CTNND2: variants seen among roughly 807,000 people sequenced by gnomAD.
The protein encoded by CTNND2 is catenin delta-2.
CTNND2 carries 22 observed loss-of-function variants against 144.4 expected under a neutral mutation model. That is an observed-to-expected ratio of 0.15 (90% confidence interval 0.11 to 0.22). The LOEUF (loss-of-function observed/expected upper bound fraction) is 0.22. Among genes scored for constraint, CTNND2 ranks in the 10% least tolerant of loss-of-function variants. The probability of loss-of-function intolerance (pLI) is 1.00; values close to 1 mark genes in which losing one functional copy is unlikely to be tolerated. For missense variants in CTNND2, 1,353 were observed against 1,618.8 expected, an observed-to-expected ratio of 0.84 and a Z score of 2.82; for synonymous variants, 751 against 695.6, an observed-to-expected ratio of 1.08 and a Z score of -1.25.
chr5:11,110,272 A>G (rs1023819787), intron 14 of CTNND2, among the ~76,000 whole-genome samples: 4 of 152,148 alleles, frequency 2.6e-5, no homozygotes, highest in Non-Finnish European at 4.4e-5. Context: ...TGTTCTCAAG[A>G]GGCCTCCAGC....
In CTNND2 at chr5:11,111,233, C is replaced by T. The variant is rs1752934946; in HGVS notation, c.2278-190G>A. ...GAGAAACTTAGAAAGGTCTTAGGAC[C>T]TTTTATCCCCCACAAATAAATGACT... On this transcript the variant is annotated intron_variant, in intron 13 of 21. Coordinates refer to ENST00000304623, the MANE Select transcript of CTNND2 (RefSeq NM_001332.4). Among the ~76,000 whole-genome samples, 6 of 152,302 alleles carry T rather than the reference C, an allele frequency of 3.9e-5. No homozygotes were observed. The South Asian group carries it at 1.2e-3, about 32-fold the overall frequency.
At chr5:11,381,977 AAAAAC>A (rs70949320) in intron 7 of CTNND2, among the ~76,000 whole-genome samples, 32,702 of 150,906 alleles carry the variant, frequency 0.22, 3,677 homozygotes, top group South Asian at 0.3. Context: ...AAAAAAACAA[AAAAAC>A]AAAACAAAAC....
chr5:11,235,356 T>C (rs1321700160), intron 10 of CTNND2, among the ~76,000 whole-genome samples: 2 of 152,214 alleles, frequency 1.3e-5, no homozygotes, highest in Non-Finnish European at 2.9e-5. Flanking sequence ...TTATTTTGCA[T>C]GGCCATTGTT....
At chr5:11,209,817 G>A (rs1283371149) in intron 10 of CTNND2, among the ~76,000 whole-genome samples, 1 of 152,142 alleles carries the variant, frequency 6.6e-6, no homozygotes, top group African/African-American at 2.4e-5. Flanking sequence ...AGCTACTTGG[G>A]AGGCTGAGGC....
chr5:11,732,224 C>G lies in CTNND2; in HGVS notation c.86G>C (p.Ser29Thr). ...GGTGTTTAAGCCGGGGCTCAGGGAA[C>G]TCGTCTTCTCTGAGGCTGATGAAGG... ...DQPSSASEKT[S>T]SLSPGLNTSN... Residue 29 changes from serine (S) to threonine (T), a missense_variant, in exon 2 of 22, where the codon AGT (serine) becomes ACT (threonine). Around this residue, in one of 4 missense-constraint regions of CTNND2, gnomAD observed 708 missense variants for 706.4 expected, o/e 1.00. Transcript: ENST00000304623. 1.9e-6 allele frequency: 3 copies of G among 1,613,940 alleles called. No individual in the cohort carries two copies. In the East Asian group the frequency reaches 6.7e-5, roughly 36 times the overall value.
intron 2 of CTNND2, among the ~76,000 whole-genome samples, chr5:11,727,578 A>T (rs1787094456): frequency 6.6e-6 from 1 of 152,156 alleles, no homozygotes; most frequent in Admixed American, 6.6e-5. Context: ...TTCAGCAATC[A>T]CGTAATTCTC....
intron 2 of CTNND2, among the ~76,000 whole-genome samples, chr5:11,662,774 G>A (rs1783344345): frequency 6.6e-6 from 1 of 152,098 alleles, no homozygotes. Context: ...AGATGGGACA[G>A]TTTGGGCAGT....
At chr5:11,309,616 A>G (rs921944165) in intron 9 of CTNND2, among the ~76,000 whole-genome samples, 1 of 152,140 alleles carries the variant, frequency 6.6e-6, no homozygotes, top group Non-Finnish European at 1.5e-5. Context: ...GAGACTCTGG[A>G]CTGAGGACTT....
At position 11,236,721 on chromosome 5, in the gene CTNND2, G is replaced by C. The variant is rs1457145235; in HGVS notation, c.1731C>G (p.Leu577=). The part of the protein sequence containing the change: ...QSNAAAYLQH[L]CFGDNKIKAE... ...CTTTAATTTTGTTGTCTCCAAAACA[G>C]AGGTGTTGCAAGTAGGCTGCCGCGT... is the stretch of plus-strand genomic sequence containing the variant. The change falls in exon 10 of 22, where the codon CTC becomes CTG. Residue 577 remains leucine, a synonymous_variant. Coordinates refer to ENST00000304623, the MANE Select transcript of CTNND2 (RefSeq NM_001332.4). 6.2e-7 allele frequency: 1 copy of C among 1,614,024 alleles called. No individual in the cohort carries two copies. The highest frequency in any genetic ancestry group is 1.3e-5 in the African/African-American group (1 of 74,914).
intron 14 of CTNND2, among the ~76,000 whole-genome samples, chr5:11,102,044 T>G (rs532065367): frequency 2.0e-5 from 3 of 152,122 alleles, no homozygotes; most frequent in African/African-American, 7.2e-5. Context: ...GGGTTTCATC[T>G]TGTTCCAGCT....
intron 2 of CTNND2, among the ~76,000 whole-genome samples, chr5:11,698,292 T>A (rs71582435): frequency 0.096 from 14,405 of 150,294 alleles, 755 homozygotes; most frequent in African/African-American, 0.14. Flanking sequence ...ATTATTATTT[T>A]TTTTTTTTTT....
intron 3 of CTNND2, among the ~76,000 whole-genome samples, chr5:11,499,855 A>C (rs1770369708): frequency 1.3e-5 from 2 of 152,144 alleles, no homozygotes; most frequent in Admixed American, 1.3e-4. Flanking sequence ...TTGTGATAAA[A>C]AGAAGTATTT....
intron 2 of CTNND2, among the ~76,000 whole-genome samples, chr5:11,696,808 T>C (rs1466420815): frequency 6.6e-6 from 1 of 152,208 alleles, no homozygotes; most frequent in Admixed American, 6.5e-5. Context: ...ACTGACATGC[T>C]GCATAATAGC....
chr5:11,165,484 T>A (rs1759223573), intron 11 of CTNND2, among the ~76,000 whole-genome samples: 1 of 152,232 alleles, frequency 6.6e-6, no homozygotes, highest in Admixed American at 6.5e-5. Context: ...TGGTTGATGG[T>A]CACTAGAAAA....
intron 2 of CTNND2, among the ~76,000 whole-genome samples, chr5:11,565,643 A>T (rs1458496122): frequency 6.6e-6 from 1 of 152,228 alleles, no homozygotes; most frequent in East Asian, 1.9e-4. Flanking sequence ...TAAGTACATA[A>T]CCTTTGAGAT....
chr5:11,142,619 T>G (rs1341966503), intron 12 of CTNND2, among the ~76,000 whole-genome samples: 1 of 150,756 alleles, frequency 6.6e-6, no homozygotes, highest in East Asian at 1.9e-4. Flanking sequence ...TTTTTTTTTT[T>G]TTTTTTTTGT....
chr5:11,230,714 T>C (rs1740908846), intron 10 of CTNND2, among the ~76,000 whole-genome samples: 1 of 152,226 alleles, frequency 6.6e-6, no homozygotes, highest in Non-Finnish European at 1.5e-5. Flanking sequence ...TCTTTAATTT[T>C]TCCTTGACTG....
chr5:11,129,041 A>ATTATATATAAATATATATATT (rs1561351761), intron 12 of CTNND2, among the ~76,000 whole-genome samples: 5 of 30,742 alleles, frequency 1.6e-4, no homozygotes, highest in African/African-American at 6.3e-4. Context: ...ATAAATATAT[A>ATTATATATAAATATATATATT]TTATATATAA....
chr5:11,232,240 C>T (rs1021988060), intron 10 of CTNND2, among the ~76,000 whole-genome samples: 1 of 152,200 alleles, frequency 6.6e-6, no homozygotes, highest in African/African-American at 2.4e-5. Flanking sequence ...TGGGGCACTG[C>T]CTAGTGGAGC....
Sources: allele counts gnomAD v4.1 joint callset (sites outside exome capture counted in the v4.1 genomes callset), GRCh38; gene constraint gnomAD v4.1.1; regional missense constraint gnomAD v4.1.1; transcripts MANE v1.5; gene names NCBI Gene and HGNC (gene_info 2026-07-23, HGNC 2026-07-21).